Variants in ERMP1 observed in about 807,000 individuals in gnomAD.
ERMP1 encodes endoplasmic reticulum metallopeptidase 1.
ERMP1 carries 86 observed loss-of-function variants against 92.0 expected under a neutral mutation model. The observed-to-expected ratio is 0.93, with a 90% CI of 0.79 to 1.12. ERMP1 has a LOEUF of 1.12. Among genes scored for constraint, ERMP1 ranks in the 50% most tolerant of loss-of-function variants. The pLI, the probability that ERMP1 is intolerant of heterozygous loss-of-function variation, is 0.00. For synonymous variants in ERMP1, 530 were observed against 412.8 expected (o/e 1.28, Z -3.44); for missense variants, 1,342 against 1,116.3 (o/e 1.20, Z -2.88).
intron 13 of ERMP1, among the ~76,000 whole-genome samples, chr9:5,793,600 G>A (rs1828293797): frequency 6.6e-6 from 1 of 152,048 alleles, no homozygotes; most frequent in Admixed American, 6.6e-5. Context: ...AGTGGATGGA[G>A]AACATTATAC....
At chr9:5,803,229 A>T in intron 10 of ERMP1, among the ~76,000 whole-genome samples, 1 of 152,228 alleles carries the variant, frequency 6.6e-6, no homozygotes, top group Non-Finnish European at 1.5e-5. Flanking sequence ...TAACACTGCT[A>T]CACATAAGTA....
chr9:5,787,185 G>T lies in ERMP1; in HGVS notation c.2674C>A (p.Pro892Thr). The change falls in exon 15 of 15, where the codon CCC (proline) becomes ACC (threonine). Residue 892 changes from proline (P) to threonine (T), a missense_variant. Transcript: ENST00000339450. ...LKEKFPDWTF[P>T]SAWVCTYDLF... Reference sequence around the variant, plus strand: ...TCGTAGGTGCACACCCAGGCAGAGGGAAATGTCCAATCTGGGAACTTTTCC... The same window carrying T: ...TCGTAGGTGCACACCCAGGCAGAGGTAAATGTCCAATCTGGGAACTTTTCC... 1 of 1,614,094 alleles carries T rather than the reference G, an allele frequency of 6.2e-7. No individual in the cohort carries two copies. Among genetic ancestry groups the T allele is most frequent in the Non-Finnish European group, 8.5e-7 (1 of 1,179,982 alleles).
At position 5,824,018 on chromosome 9, in the gene ERMP1, G is replaced by C; in HGVS notation, c.769-17C>G. The C allele has an allele frequency of 1.9e-6, 3 of 1,576,734 alleles. No individual in the cohort carries two copies. The highest frequency in any genetic ancestry group is 2.6e-6 in the Non-Finnish European group (3 of 1,151,570). On this transcript the variant is annotated splice_polypyrimidine_tract_variant and intron_variant, in intron 3 of 14. Coordinates refer to ENST00000339450, the MANE Select transcript of ERMP1 (RefSeq NM_024896.3). Reference sequence around the variant, plus strand: ...ATGACTGGCCTTAAAGAGAAGGAAAGAAAACAAATATTTGTTAAACAATCT... The same window carrying C: ...ATGACTGGCCTTAAAGAGAAGGAAACAAAACAAATATTTGTTAAACAATCT...
intron 6 of ERMP1, among the ~76,000 whole-genome samples, chr9:5,845,174 G>T (rs1586837008): frequency 1.3e-5 from 2 of 150,192 alleles, no homozygotes; most frequent in Admixed American, 6.6e-5. Flanking sequence ...GGTGGTGGTG[G>T]TTTAATTTTT....
chr9:5,823,825 A>G (rs534025676), intron 4 of ERMP1, 71 bp downstream of exon 4: 5 of 1,001,956 alleles, frequency 5.0e-6, no homozygotes. Context: ...GATATTATTT[A>G]TAATCAAAAA....
intron 8 of ERMP1, among the ~76,000 whole-genome samples, chr9:5,808,758 G>A (rs183592986): frequency 6.6e-6 from 1 of 152,044 alleles, no homozygotes; most frequent in Admixed American, 6.5e-5. Flanking sequence ...GTTTGTTTGA[G>A]ATAGGGTCTC....
chr9:5,802,487 C>T (rs753036213), intron 10 of ERMP1, among the ~76,000 whole-genome samples: 7 of 152,168 alleles, frequency 4.6e-5, no homozygotes, highest in Non-Finnish European at 8.8e-5. Flanking sequence ...CAGGTTCAAG[C>T]GATTCTTGTG....
chr9:5,840,806 C>A (rs764629221), intron 6 of ERMP1, among the ~76,000 whole-genome samples: 2 of 152,190 alleles, frequency 1.3e-5, no homozygotes, highest in African/African-American at 2.4e-5. Context: ...GTGGTTGGAA[C>A]CTTCATTTGC....
chr9:5,822,930 G>A (rs539251591), intron 4 of ERMP1, among the ~76,000 whole-genome samples: 2 of 152,096 alleles, frequency 1.3e-5, no homozygotes. Context: ...TCCAATAATG[G>A]AACACTAGGC....
chr9:5,833,863 G>A (rs978185257), upstream of ERMP1, among the ~76,000 whole-genome samples: 1 of 152,156 alleles, frequency 6.6e-6, no homozygotes, highest in Non-Finnish European at 1.5e-5. Context: ...ACTCTCTGGG[G>A]CGGTTAAGCA....
intron 6 of ERMP1, 132 bp downstream of exon 6, chr9:5,811,993 C>G: frequency 1.7e-6 from 1 of 578,996 alleles, no homozygotes; most frequent in Non-Finnish European, 3.0e-6. Flanking sequence ...ATCTCTCCAA[C>G]TCCAAAGCCC....
chr9:5,859,408 G>A (rs1231561410), intron 6 of ERMP1, among the ~76,000 whole-genome samples: 2 of 152,150 alleles, frequency 1.3e-5, no homozygotes, highest in African/African-American at 4.8e-5. Flanking sequence ...CATAGTTTCA[G>A]ATAAGTAAAC....
At chr9:5,856,421 A>G in intron 6 of ERMP1, 1 of 172,600 alleles carries the variant, frequency 5.8e-6, no homozygotes, top group South Asian at 1.4e-4. Flanking sequence ...GGAGTTTGGA[A>G]GCCATTGCCT....
At chr9:5,812,603 A>G in intron 5 of ERMP1, 2 of 451,168 alleles carry the variant, frequency 4.4e-6, no homozygotes, top group Middle Eastern at 6.3e-4. Context: ...CAAGACAACA[A>G]CGAAAGACCC....
intron 10 of ERMP1, among the ~76,000 whole-genome samples, chr9:5,804,130 G>T (rs903968408): frequency 6.6e-6 from 1 of 152,062 alleles, no homozygotes; most frequent in Non-Finnish European, 1.5e-5. Context: ...ATGAAGAAAA[G>T]AACTATAATA....
At chr9:5,807,891 C>T (rs1461628843) in intron 8 of ERMP1, among the ~76,000 whole-genome samples, 1 of 152,150 alleles carries the variant, frequency 6.6e-6, no homozygotes, top group African/African-American at 2.4e-5. Flanking sequence ...CAATATATTG[C>T]AATTATTATC....
chr9:5,831,898 G>T (rs924925929), intron 1 of ERMP1, among the ~76,000 whole-genome samples: 1 of 152,238 alleles, frequency 6.6e-6, no homozygotes, highest in Admixed American at 6.5e-5. Context: ...GGGAAAGCTG[G>T]AAGTGGGGGT....
chr9:5,787,799 G>A (rs1828007176), intron 13 of ERMP1, among the ~76,000 whole-genome samples: 1 of 152,218 alleles, frequency 6.6e-6, no homozygotes, highest in Non-Finnish European at 1.5e-5. Context: ...GGCACAGACT[G>A]TAAATGAGAA....
chr9:5,806,032 C>G (rs1034096692), intron 8 of ERMP1, among the ~76,000 whole-genome samples: 2 of 152,200 alleles, frequency 1.3e-5, no homozygotes, highest in African/African-American at 4.8e-5. Context: ...GTACTCTATG[C>G]TTTTCTTCTA....
Sources: gnomAD v4.1 joint callset for allele counts (sites outside exome capture counted in the v4.1 genomes callset) on GRCh38, gnomAD v4.1.1 for gene constraint, MANE v1.5 for transcripts, NCBI Gene and HGNC (gene_info 2026-07-23, HGNC 2026-07-21) for gene names.